SLC36A1: variants seen among roughly 807,000 people sequenced by gnomAD.
SLC36A1 encodes solute carrier family 36 member 1.
A neutral mutation model predicts 47.5 loss-of-function variants in SLC36A1; 30 were observed. The ratio of observed to expected loss-of-function variants is 0.63; its 90% CI spans 0.47 to 0.86. SLC36A1 has a LOEUF of 0.86. SLC36A1 is among the 40% of genes least tolerant of loss of function. SLC36A1 has a pLI of 0.00. For missense variants in SLC36A1, 517 were observed against 606.0 expected, an observed-to-expected ratio of 0.85 and a Z score of 1.54; for synonymous variants, 255 against 249.7, an observed-to-expected ratio of 1.02 and a Z score of -0.20.
At chr5:151,397,962 A>T in the SLC36A1 span, among the ~76,000 whole-genome samples, 1 of 150,802 alleles carries the variant, frequency 6.6e-6, no homozygotes. Flanking sequence ...ACAAAATATT[A>T]TAAGAATTAG....
intron 6 of SLC36A1, 28 bp downstream of exon 6, chr5:151,467,311 A>AC (rs991761059): frequency 7.8e-6 from 11 of 1,410,436 alleles, no homozygotes; most frequent in Non-Finnish European, 1.1e-5. Context: ...AAAGAAAAAA[A>AC]AAAAAAAAAC....
the SLC36A1 span, among the ~76,000 whole-genome samples, chr5:151,392,651 C>T: frequency 2.6e-5 from 4 of 152,154 alleles, no homozygotes; most frequent in Admixed American, 6.5e-5. Flanking sequence ...GCCTTCATTT[C>T]GTTATGTACC....
At chr5:151,443,625 CT>C (rs1280725095), upstream of SLC36A1, among the ~76,000 whole-genome samples, 2 of 152,166 alleles carry the variant, frequency 1.3e-5, no homozygotes, top group Non-Finnish European at 2.9e-5. Context: ...TGCCGTTACA[CT>C]TTGTTGATTA....
At chr5:151,462,187 A>C (rs966835475) in intron 2 of SLC36A1, among the ~76,000 whole-genome samples, 9 of 152,122 alleles carry the variant, frequency 5.9e-5, no homozygotes, top group African/African-American at 2.2e-4. Flanking sequence ...TAGCCCCTCT[A>C]CTTGAAGACT....
intron 2 of SLC36A1, 33 bp from the exon 3 acceptor site, chr5:151,463,520 G>A (rs1357463585): frequency 6.7e-7 from 1 of 1,483,640 alleles, no homozygotes; most frequent in Middle Eastern, 1.7e-4. Context: ...TAACTGTCAT[G>A]GTTATCATTT....
At chr5:151,365,714 A>G in the SLC36A1 span, among the ~76,000 whole-genome samples, 1 of 152,236 alleles carries the variant, frequency 6.6e-6, no homozygotes, top group Non-Finnish European at 1.5e-5. Context: ...TCCACCCCTT[A>G]CTAACTGTAT....
chr5:151,544,907 G>A, the SLC36A1 span: 6 of 1,613,940 alleles, frequency 3.7e-6, no homozygotes, highest in African/African-American at 8.0e-5. Flanking sequence ...GTGTAATAGG[G>A]CAGATGCTTA....
intron 7 of SLC36A1, among the ~76,000 whole-genome samples, chr5:151,469,989 C>T (rs1410046934): frequency 2.6e-5 from 4 of 152,222 alleles, no homozygotes; most frequent in East Asian, 3.9e-4. Flanking sequence ...TAACATTTTG[C>T]TCTGTGAGTA....
At chr5:151,553,697 C>T in the SLC36A1 span, among the ~76,000 whole-genome samples, 1 of 152,206 alleles carries the variant, frequency 6.6e-6, no homozygotes, top group Non-Finnish European at 1.5e-5. Flanking sequence ...CATACATATG[C>T]CCTTTGCTTT....
chr5:151,367,895 A>G, the SLC36A1 span, among the ~76,000 whole-genome samples: 1 of 152,196 alleles, frequency 6.6e-6, no homozygotes, highest in Admixed American at 6.6e-5. Context: ...TCTTGCTAAT[A>G]ACTCTCTATG....
At chr5:151,554,943 G>A in the SLC36A1 span, among the ~76,000 whole-genome samples, 1 of 152,176 alleles carries the variant, frequency 6.6e-6, no homozygotes. Context: ...GACAACCCCT[G>A]GGCCATTTCT....
At chr5:151,354,371 C>A in the SLC36A1 span, among the ~76,000 whole-genome samples, 2,392 of 152,224 alleles carry the variant, frequency 0.016, 50 homozygotes, top group African/African-American at 0.054. Context: ...GATTGGCATG[C>A]GTTTTTAATT....
chr5:151,499,408 G>T, the SLC36A1 span, among the ~76,000 whole-genome samples: 1 of 152,214 alleles, frequency 6.6e-6, no homozygotes, highest in Non-Finnish European at 1.5e-5. Context: ...CGTGCAAAGA[G>T]GTTGGGTTGA....
At chr5:151,433,153 A>G (rs1213500024), upstream of SLC36A1, among the ~76,000 whole-genome samples, 2 of 139,050 alleles carry the variant, frequency 1.4e-5, no homozygotes, top group South Asian at 2.4e-4. Context: ...AATTATTACC[A>G]TGGTAATATG....
chr5:151,547,464 T>C, the SLC36A1 span, among the ~76,000 whole-genome samples: 5 of 152,358 alleles, frequency 3.3e-5, no homozygotes, highest in South Asian at 8.3e-4. Context: ...GCCTTACACT[T>C]GAGAAAATAC....
At chr5:151,528,084 C>A in the SLC36A1 span, 8 of 1,614,104 alleles carry the variant, frequency 5.0e-6, no homozygotes, top group African/African-American at 1.1e-4. Context: ...TCCTATGAGG[C>A]TATAGGTAAT....
chr5:151,542,155 G>A, the SLC36A1 span: 1 of 782,194 alleles, frequency 1.3e-6, no homozygotes, highest in South Asian at 1.8e-5. Context: ...AGGTCCTAGG[G>A]GGTTAAGTGT....
chr5:151,510,079 A>T, the SLC36A1 span: 1 of 1,614,188 alleles, frequency 6.2e-7, no homozygotes, highest in Non-Finnish European at 8.5e-7. Context: ...GAGAGGATGC[A>T]AGTTCCACCT....
intron 8 of SLC36A1, among the ~76,000 whole-genome samples, chr5:151,476,199 A>C (rs575731165): frequency 1.3e-5 from 2 of 152,376 alleles, no homozygotes; most frequent in African/African-American, 4.8e-5. Context: ...ACAGGTTAGC[A>C]GGAAGCTGTG....
Sources: allele counts gnomAD v4.1 joint callset (sites outside exome capture counted in the v4.1 genomes callset), GRCh38; gene constraint gnomAD v4.1.1; transcripts MANE v1.5; gene names NCBI Gene and HGNC (gene_info 2026-07-23, HGNC 2026-07-21).